IGSF9B: variants seen among roughly 807,000 people sequenced by gnomAD.
IGSF9B encodes protein turtle homolog B.
A neutral mutation model predicts 143.7 loss-of-function variants in IGSF9B; 48 were observed. The observed-to-expected ratio is 0.33, with a 90% CI of 0.26 to 0.42. The LOEUF is 0.42. Among genes scored for constraint, IGSF9B ranks in the 20% least tolerant of loss-of-function variants. The probability of loss-of-function intolerance (pLI) is 1.00; values close to 1 mark genes in which losing one functional copy is unlikely to be tolerated. For synonymous variants in IGSF9B, 903 were observed against 833.1 expected (o/e 1.08, Z -1.44); for missense variants, 1,706 against 1,980.0 (o/e 0.86, Z 2.63).
At position 133,902,599 on chromosome 11, in the gene IGSF9B, C is replaced by T. The variant is rs1939157202; in HGVS notation, c.*6470G>A. 7.6e-6 allele frequency among the ~76,000 whole-genome samples: 1 copy of T among 132,046 alleles called. No homozygotes were observed. Among genetic ancestry groups the T allele is most frequent in the African/African-American group, 2.7e-5 (1 of 37,160 alleles). The allele number at this position is 132,046 out of a possible 152,430, so 86.6% of individuals were successfully genotyped here. ...ACACACACACACACCCCACTTACTT[C>T]CTGAATCCAGAAAAGAAACACTGGA... On this transcript the variant is annotated 3_prime_UTR_variant, in exon 20 of 20. Coordinates refer to ENST00000533871, the MANE Select transcript of IGSF9B (RefSeq NM_001277285.4).
At chr11:133,914,280 G>A (rs995258245) in intron 18 of IGSF9B, among the ~76,000 whole-genome samples, 4 of 152,090 alleles carry the variant, frequency 2.6e-5, no homozygotes, top group Admixed American at 1.3e-4. Flanking sequence ...TCCAGTCATC[G>A]TGGGAAAGAG....
At position 133,909,703 on chromosome 11, in the gene IGSF9B, G is replaced by C. The variant is rs979240169; in HGVS notation, c.4106-426C>G. On this transcript the variant is annotated intron_variant, in intron 19 of 19. Coordinates refer to ENST00000533871, the MANE Select transcript of IGSF9B (RefSeq NM_001277285.4). This position sits in a 1 kb window ranked among gnomAD's most constrained non-coding sequence, Gnocchi z 4.2. ...ATACAAGATTTTAATCGCATGCAAC[G>C]GTCAGGCCTTGACCCTTCCTGGACT... 1.3e-5 allele frequency among the ~76,000 whole-genome samples: 2 copies of C among 152,146 alleles called. No homozygotes were observed. Among genetic ancestry groups the C allele is most frequent in the Admixed American group, 1.3e-4 (2 of 15,272 alleles).
At position 133,936,038 on chromosome 11, in the gene IGSF9B, G is replaced by C. The variant is rs1939816609; in HGVS notation, c.821+15C>G. ...GGGTGGCAACCTCATTGAAAAGTCA[G>C]AGCAGGGTGCTCACTTCTGAAAGTA... On this transcript the variant is annotated intron_variant, in intron 6 of 19. Coordinates refer to ENST00000533871, the MANE Select transcript of IGSF9B (RefSeq NM_001277285.4). 6.2e-7 allele frequency: 1 copy of C among 1,612,674 alleles called. No homozygotes were observed. Among genetic ancestry groups the C allele is most frequent in the South Asian group, 1.1e-5 (1 of 90,744 alleles).
intron 18 of IGSF9B, 41 bp from the exon 19 acceptor site, chr11:133,912,048 T>C (rs1289456186): frequency 6.7e-7 from 1 of 1,492,054 alleles, no homozygotes; most frequent in East Asian, 2.5e-5. Context: ...AGCTCCCGGA[T>C]GTGTGAGGCT....
At chr11:133,926,855 G>T (rs1939634819) in intron 13 of IGSF9B, 61 bp downstream of exon 13, 6 of 1,430,584 alleles carry the variant, frequency 4.2e-6, no homozygotes, top group Non-Finnish European at 4.8e-6. Context: ...ATAGCTGCCT[G>T]GGCCACCGCC....
chr11:133,943,112 G>A (rs1008269193), intron 3 of IGSF9B, among the ~76,000 whole-genome samples: 2 of 152,128 alleles, frequency 1.3e-5, no homozygotes, highest in African/African-American at 2.4e-5. Flanking sequence ...TTCCAAGCCA[G>A]GAACGTCAAT....
Position 133,898,721 on chromosome 11 carries a change from C to T in IGSF9B, c.*10348G>A, listed in dbSNP as rs534393781. On this transcript the variant is annotated 3_prime_UTR_variant, in exon 20 of 20. Coordinates refer to ENST00000533871, the MANE Select transcript of IGSF9B (RefSeq NM_001277285.4). ...CCTAGCCAACAATTCCCCTTTCTAA[C>T]ACCTCAGTCTAAAGTTCCAGAATCA... 2.0e-5 allele frequency: 3 copies of T among 153,122 alleles called. No homozygotes were observed. Among genetic ancestry groups the T allele is most frequent in the Non-Finnish European group, 4.4e-5 (3 of 68,124 alleles). The allele number at this position is 153,122 out of a possible 1,614,324, so 9.5% of individuals were successfully genotyped here. A position where few individuals can be genotyped will look rare whatever the true frequency, so the allele number is the denominator to read the frequency against.
chr11:133,944,401 C>T (rs778056672), intron 2 of IGSF9B, 35 bp from the exon 3 acceptor site: 28 of 1,609,776 alleles, frequency 1.7e-5, no homozygotes, highest in African/African-American at 2.7e-5. Flanking sequence ...CCCCACAGGC[C>T]ATCAGGTAAG....
At chr11:133,916,020 T>C (rs1939374284) in intron 18 of IGSF9B, among the ~76,000 whole-genome samples, 1 of 152,132 alleles carries the variant, frequency 6.6e-6, no homozygotes. Context: ...TGGCAGAAGC[T>C]TGTTTACAAA....
Position 133,953,918 on chromosome 11 carries a change from G to A in IGSF9B, c.64+2773C>T, listed in dbSNP as rs114998591. Among the ~76,000 whole-genome samples, 235 of 152,192 alleles carry A rather than the reference G, an allele frequency of 1.5e-3. No homozygotes were observed. Among genetic ancestry groups the A allele is most frequent in the African/African-American group, 5.1e-3 (211 of 41,516 alleles). On this transcript the variant is annotated intron_variant, in intron 1 of 19. Coordinates refer to ENST00000533871, the MANE Select transcript of IGSF9B (RefSeq NM_001277285.4). The surrounding 1 kb of genome is among the most constrained non-coding windows in gnomAD (Gnocchi z 4.2). ...GTCCACTGACCTTAATCACCTCCCA[G>A]GCACACACACTCAAAGTCAAAAGGA...
Position 133,913,094 on chromosome 11 carries a change from C to T in IGSF9B, c.3984-1087G>A, listed in dbSNP as rs1011285449. On this transcript the variant is annotated intron_variant, in intron 18 of 19. Transcript: ENST00000533871. The surrounding 1 kb of genome is among the most constrained non-coding windows in gnomAD (Gnocchi z 4.6). ...GGAATGAAGGGGAAAGAGAAAAAGACAGGTCACTCTGTCTTCCCACCAGCG... is the reference window on the plus strand; with the variant it reads ...GGAATGAAGGGGAAAGAGAAAAAGATAGGTCACTCTGTCTTCCCACCAGCG... 6.6e-6 allele frequency among the ~76,000 whole-genome samples: 1 copy of T among 152,162 alleles called. No individual in the cohort carries two copies. The highest frequency in any genetic ancestry group is 1.5e-5 in the Non-Finnish European group (1 of 68,028).
chr11:133,911,927 T>C lies in IGSF9B; in HGVS notation c.4064A>G (p.Lys1355Arg), dbSNP rs927203848. The C allele has an allele frequency of 5.9e-6, 9 of 1,534,954 alleles. No individual in the cohort carries two copies. In the African/African-American group the frequency reaches 9.6e-5, roughly 16 times the overall value. Residue 1355 changes from lysine (K) to arginine (R), a missense_variant, in exon 19 of 20, where the codon AAA (lysine) becomes AGA (arginine). Physicochemically the swap from Lys to Arg is conservative, Grantham distance 26. Coordinates refer to ENST00000533871, the MANE Select transcript of IGSF9B (RefSeq NM_001277285.4). ...CTTCGAAGAGCCCTTGGATGACTTT[T>C]TGGGCTTCTTTATCCGTTGGTATTT... ...ALKYQRIKKP[K>R]KSSKGSSKSK... is the part of the protein sequence containing the mutation.
chr11:133,909,165 C>T lies in IGSF9B; in HGVS notation c.4218G>A (p.Arg1406=), dbSNP rs1565412695. Residue 1406 remains arginine (R), a synonymous_variant, in exon 20 of 20, where the codon CGG becomes CGA. Coordinates refer to ENST00000533871, the MANE Select transcript of IGSF9B (RefSeq NM_001277285.4). The surrounding 1 kb of genome is among the most constrained non-coding windows in gnomAD (Gnocchi z 4.2). The stretch of plus-strand genomic sequence containing the variant: ...GCTGGCGGTGGCACAAGTCTGAGAG[C>T]CGGGCAAAGGGGTCAGGACGAGAAT... ...KRHSRPDPFA[R]LSDLCHRQLP... is the part of the protein sequence containing the mutation. 2 of 1,535,890 alleles carry T rather than the reference C, an allele frequency of 1.3e-6. No homozygotes were observed. The highest frequency in any genetic ancestry group is 1.7e-6 in the Non-Finnish European group (2 of 1,146,746).
intron 1 of IGSF9B, among the ~76,000 whole-genome samples, chr11:133,950,090 G>T (rs1940130462): frequency 6.6e-6 from 1 of 152,184 alleles, no homozygotes; most frequent in South Asian, 2.1e-4. Context: ...TCTGGGCCAG[G>T]TGGTACCCAG....
At chr11:133,929,593 CG>C in intron 12 of IGSF9B, 77 bp downstream of exon 12, 1 of 1,074,366 alleles carries the variant, frequency 9.3e-7, no homozygotes, top group Non-Finnish European at 1.4e-6. Context: ...TCCCCCCACC[CG>C]GGGTAGCCTG....
Position 133,920,563 on chromosome 11 carries a change from C to T in IGSF9B, c.3162G>A (p.Ala1054=), listed in dbSNP as rs764530495. Residue 1054 remains alanine, a synonymous_variant, in exon 18 of 20, where the codon GCG becomes GCA. Transcript: ENST00000533871. The part of the protein sequence containing the change: ...EFPFGGLETP[A]MMFPHQLPPC... The stretch of plus-strand genomic sequence containing the variant: ...GTGGCAGCTGGTGGGGGAACATCAT[C>T]GCTGGGGTCTCCAGCCCCCCGAAGG... 20 of 1,612,842 alleles carry T rather than the reference C, an allele frequency of 1.2e-5. No homozygotes were observed. Among genetic ancestry groups the T allele is most frequent in the Admixed American group, 5.0e-5 (3 of 59,964 alleles).
At chr11:133,947,118 C>T (rs1468923568) in intron 1 of IGSF9B, among the ~76,000 whole-genome samples, 2 of 152,060 alleles carry the variant, frequency 1.3e-5, no homozygotes, top group Admixed American at 6.5e-5. Flanking sequence ...AGAGGGCGAG[C>T]AAGGCAGCAG....
chr11:133,942,612 T>C, intron 3 of IGSF9B, among the ~76,000 whole-genome samples: 1 of 152,154 alleles, frequency 6.6e-6, no homozygotes, highest in Non-Finnish European at 1.5e-5. Flanking sequence ...CCAAGATGGT[T>C]TCACCCTCCC....
At position 133,919,969 on chromosome 11, in the gene IGSF9B, C is replaced by T. The variant is rs765635856; in HGVS notation, c.3756G>A (p.Thr1252=). 67 of 1,569,810 alleles carry T rather than the reference C, an allele frequency of 4.3e-5. No individual in the cohort carries two copies. The highest frequency in any genetic ancestry group is 5.6e-5 in the Non-Finnish European group (65 of 1,158,400). The part of the protein sequence containing the change: ...PAAVSFSRKS[T]PSTGSPSQSS... ...TCTGGGAGGGGGAGCCTGTGGACGG[C>T]GTAGACTTTCGAGAAAAGCTGACTG... The change falls in exon 18 of 20, where the codon ACG becomes ACA. Residue 1252 remains threonine, a synonymous_variant. Transcript: ENST00000533871.
Sources: gnomAD v4.1 joint callset for allele counts (sites outside exome capture counted in the v4.1 genomes callset) on GRCh38, gnomAD v4.1.1 for gene constraint, Gnocchi (gnomAD v3.1) non-coding constraint, MANE v1.5 for transcripts, NCBI Gene and HGNC (gene_info 2026-07-23, HGNC 2026-07-21) for gene names.